The following UBE2U variants were observed in gnomAD, a reference collection of about 807,000 sequenced individuals.
UBE2U encodes the protein ubiquitin-conjugating enzyme E2 U.
Under a neutral mutation model 41.2 loss-of-function variants are expected in UBE2U, and 39 were observed. That is an observed-to-expected ratio of 0.95 (90% CI 0.73 to 1.24). The LOEUF is 1.24. Ranked by LOEUF, UBE2U falls within the 50% of genes most tolerant of loss-of-function variation. UBE2U has a pLI of 0.00. For missense variants in UBE2U, 336 were observed against 363.1 expected, an observed-to-expected ratio of 0.93 and a Z score of 0.61; for synonymous variants, 107 against 117.8, an observed-to-expected ratio of 0.91 and a Z score of 0.60.
chr1:64,240,328 T>C (rs1252629586), intron 7 of UBE2U, among the ~76,000 whole-genome samples: 1 of 152,156 alleles, frequency 6.6e-6, no homozygotes, highest in East Asian at 1.9e-4. Flanking sequence ...GAAAATCATA[T>C]CCTAAGAACA....
intron 6 of UBE2U, among the ~76,000 whole-genome samples, chr1:64,221,214 C>G (rs370369595): frequency 3.3e-5 from 5 of 152,082 alleles, no homozygotes; most frequent in Admixed American, 6.5e-5. Flanking sequence ...ACGGTTCAAG[C>G]GATTCTCCTG....
At chr1:64,208,603 C>CAAAAAAAAAAAAAA (rs56972795) in intron 3 of UBE2U, among the ~76,000 whole-genome samples, 1 of 36,464 alleles carries the variant, frequency 2.7e-5, no homozygotes, top group Non-Finnish European at 4.5e-5. Context: ...GACGCTGTCT[C>CAAAAAAAAAAAAAA]AAAAAAAAAA....
chr1:64,246,948 T>A (rs1036576233), intron 8 of UBE2U, among the ~76,000 whole-genome samples: 4 of 152,130 alleles, frequency 2.6e-5, no homozygotes, highest in Non-Finnish European at 5.9e-5. Flanking sequence ...ACTGAGGACC[T>A]GGGGATGGCC....
rs555410706 is a variant in UBE2U at position 64,248,140 on chromosome 1, ACTC to A, written c.677+6410_677+6412del. Among the ~76,000 whole-genome samples, 456 of 151,944 alleles carry A rather than the reference ACTC, an allele frequency of 3.0e-3. 1 individual carries two copies. The highest frequency in any genetic ancestry group is 0.01 in the African/African-American group (424 of 41,440). On this transcript the variant is annotated intron_variant, in intron 8 of 9. Transcript: ENST00000371077. ...ACATATGATTTTTTTTCCTAGGAGA[ACTC>A]CTTCTTTGGTGTTCTGCTCCCACAT...
At chr1:64,210,953 G>A (rs1651628994) in intron 4 of UBE2U, 114 bp downstream of exon 4, 2 of 660,628 alleles carry the variant, frequency 3.0e-6, no homozygotes, top group East Asian at 6.6e-5. Context: ...AATTTGAGAA[G>A]TTTATTTAAA....
intron 8 of UBE2U, among the ~76,000 whole-genome samples, chr1:64,254,405 T>A (rs1645059534): frequency 1.3e-5 from 2 of 151,478 alleles, no homozygotes; most frequent in South Asian, 2.1e-4. Flanking sequence ...CTGGGTCAGG[T>A]GGACCTAATA....
At chr1:64,207,773 A>G (rs1651393199) in intron 3 of UBE2U, among the ~76,000 whole-genome samples, 1 of 152,188 alleles carries the variant, frequency 6.6e-6, no homozygotes, top group African/African-American at 2.4e-5. Flanking sequence ...GCATGATAAA[A>G]CCCAGTAACT....
rs756975010 is a variant in UBE2U at position 64,239,157 on chromosome 1, A to AGAAGAAGAAGGAGAAG, written c.596-2495_596-2494insGAAGAAGAAGGAGAAG. ...GAAGAAGAAGAAGAAGAAGAAGAAGAAAGAAGAAGAAGAAGAAGAAGAAGA... is the reference window on the plus strand; with the variant it reads ...GAAGAAGAAGAAGAAGAAGAAGAAGAGAAGAAGAAGGAGAAGAAGAAGAAGAAGAAGAAGAAGAAGA... On this transcript the variant is annotated intron_variant, in intron 7 of 9. Coordinates refer to ENST00000371077, the MANE Select transcript of UBE2U (RefSeq NM_001366232.2). Among the ~76,000 whole-genome samples the AGAAGAAGAAGGAGAAG allele has an allele frequency of 8.1e-5, 3 of 37,064 alleles. 1 individual carries two copies. The highest frequency in any genetic ancestry group is 2.5e-4 in the African/African-American group (3 of 11,812). The allele number at this position is 37,064 out of a possible 152,430, so 24.3% of individuals were successfully genotyped here.
intron 4 of UBE2U, among the ~76,000 whole-genome samples, chr1:64,212,170 A>T (rs7546938): frequency 0.5 from 75,190 of 151,878 alleles, 18,802 homozygotes; most frequent in East Asian, 0.62. Context: ...TGAGCAAAAA[A>T]TTTAAGGGAG....
chr1:64,259,196 A>G (rs975475432), intron 8 of UBE2U, among the ~76,000 whole-genome samples: 1 of 151,976 alleles, frequency 6.6e-6, no homozygotes, highest in Non-Finnish European at 1.5e-5. Context: ...AAATTTGTTT[A>G]AGTTCTTTGT....
intron 8 of UBE2U, among the ~76,000 whole-genome samples, chr1:64,258,791 T>G (rs1405032799): frequency 6.6e-6 from 1 of 152,220 alleles, no homozygotes; most frequent in Non-Finnish European, 1.5e-5. Context: ...TATGTGTGCC[T>G]GTGTCTTTAT....
rs12029696 is a variant in UBE2U at position 64,250,970 on chromosome 1, G to A, written c.677+9237G>A. ...GGAGATACACCTAATGTTAAATGACGAGTTAATGGGTGCAGCACACCAACA... is the reference window on the plus strand; with the variant it reads ...GGAGATACACCTAATGTTAAATGACAAGTTAATGGGTGCAGCACACCAACA... On this transcript the variant is annotated intron_variant, in intron 8 of 9. Transcript: ENST00000371077. Among the ~76,000 whole-genome samples, 15 of 151,266 alleles carry A rather than the reference G, an allele frequency of 9.9e-5. No homozygotes were observed. The East Asian group carries it at 2.7e-3, about 27-fold the overall frequency.
chr1:64,224,308 A>G (rs1191417407), intron 6 of UBE2U, among the ~76,000 whole-genome samples: 1 of 152,228 alleles, frequency 6.6e-6, no homozygotes, highest in African/African-American at 2.4e-5. Flanking sequence ...TCATAGAATT[A>G]TACATCATGA....
rs761512807 is a variant in UBE2U, at chr1:64,260,664, A to G, written c.739A>G (p.Met247Val). The change falls in exon 9 of 10, where the codon ATG becomes GTG. Residue 247 changes from methionine (M) to valine (V), a missense_variant. Transcript: ENST00000371077. ...AATGCCTCATGAAGTCACTCACTCA[A>G]TGGAAGAAATTAAGCTCTGCCCAAC... is the stretch of plus-strand genomic sequence containing the variant. ...KRMPHEVTHSMEEIKLCPTLN... is the reference protein window; with the variant it reads ...KRMPHEVTHSVEEIKLCPTLN... 12 of 1,549,628 alleles carry G rather than the reference A, an allele frequency of 7.7e-6. No homozygotes were observed. Among genetic ancestry groups the G allele is most frequent in the African/African-American group, 2.7e-5 (2 of 73,020 alleles).
intron 8 of UBE2U, among the ~76,000 whole-genome samples, chr1:64,253,383 G>C (rs1645041563): frequency 6.6e-6 from 1 of 152,070 alleles, no homozygotes; most frequent in African/African-American, 2.4e-5. Flanking sequence ...TGGCAAGACA[G>C]GCAAATATTC....
intron 9 of UBE2U, among the ~76,000 whole-genome samples, chr1:64,264,428 A>G (rs1348278861): frequency 6.6e-6 from 1 of 152,212 alleles, no homozygotes; most frequent in East Asian, 1.9e-4. Flanking sequence ...TTCCTGGAGG[A>G]GAGAAATTCA....
At chr1:64,222,192 T>C (rs1286158489) in intron 6 of UBE2U, among the ~76,000 whole-genome samples, 1 of 151,672 alleles carries the variant, frequency 6.6e-6, no homozygotes, top group Non-Finnish European at 1.5e-5. Flanking sequence ...AATGGTACAC[T>C]AAGTTGGTAT....
intron 3 of UBE2U, among the ~76,000 whole-genome samples, chr1:64,208,603 CAAAAAAAAAAAAAAAAAAAAAA>C (rs56972795): frequency 2.1e-3 from 78 of 36,502 alleles, no homozygotes; most frequent in African/African-American, 8.3e-3. Flanking sequence ...GACGCTGTCT[CAAAAAAAAAAAAAAAAAAAAAA>C]AAAAAAAAAA....
intron 3 of UBE2U, among the ~76,000 whole-genome samples, chr1:64,209,044 A>G (rs1235758901): frequency 6.6e-6 from 1 of 152,244 alleles, no homozygotes; most frequent in African/African-American, 2.4e-5. Context: ...TAGTAGAATT[A>G]GTAGGCAGGG....
Sources: allele counts gnomAD v4.1 joint callset (sites outside exome capture counted in the v4.1 genomes callset), GRCh38; gene constraint gnomAD v4.1.1; transcripts MANE v1.5; gene names NCBI Gene and HGNC (gene_info 2026-07-23, HGNC 2026-07-21).